CSMD2: variants seen among roughly 807,000 people sequenced by gnomAD.
CSMD2 encodes the protein CUB and Sushi multiple domains 2, also known as CUB and sushi domain-containing protein 2.
A neutral mutation model predicts 398.5 loss-of-function variants in CSMD2; 130 were observed. That is an observed-to-expected ratio of 0.33 (90% CI 0.28 to 0.38). The LOEUF is 0.38. Ranked by LOEUF, CSMD2 falls within the 10% of genes least tolerant of loss-of-function variation. The probability of loss-of-function intolerance (pLI) is 1.00; values close to 1 mark genes in which losing one functional copy is unlikely to be tolerated. For synonymous variants in CSMD2, 1,828 were observed against 1,908.5 expected (o/e 0.96, Z 1.10); for missense variants, 3,829 against 4,764.9 (o/e 0.80, Z 5.78).
chr1:33,676,600 A>G (rs1359859846), intron 25 of CSMD2, among the ~76,000 whole-genome samples: 1 of 152,204 alleles, frequency 6.6e-6, no homozygotes, highest in Non-Finnish European at 1.5e-5. Context: ...ACAGAATTGG[A>G]AAAAACTACT....
intron 36 of CSMD2, 127 bp downstream of exon 36, chr1:33,623,243 C>T: frequency 1.4e-6 from 1 of 692,562 alleles, no homozygotes; most frequent in Non-Finnish European, 2.5e-6. Flanking sequence ...CTGATGTGTC[C>T]ACTTGAAAAT....
In CSMD2 at chr1:33,568,265, G is replaced by A. The variant is rs551457288; in HGVS notation, c.8132-424C>T. Among the ~76,000 whole-genome samples, 5 of 147,886 alleles carry A rather than the reference G, an allele frequency of 3.4e-5. 1 individual carries two copies. The highest frequency in any genetic ancestry group is 1.3e-4 in the African/African-American group (5 of 39,888). ...TGCAGTGGCACGATCTTGGCTCACT[G>A]CAATGTCCACCTCCTAGGTTCAAGG... On this transcript the variant is annotated intron_variant, in intron 52 of 70. Coordinates refer to ENST00000373381, the MANE Select transcript of CSMD2 (RefSeq NM_001281956.2).
At chr1:33,663,638 G>A (rs1644216605) in intron 25 of CSMD2, among the ~76,000 whole-genome samples, 1 of 152,186 alleles carries the variant, frequency 6.6e-6, no homozygotes. Context: ...ATGTAGGCCT[G>A]GCTTAGATAA....
At position 33,537,389 on chromosome 1, in the gene CSMD2, T is replaced by C. The variant is rs201103484; in HGVS notation, c.9805+47A>G. ...ATCATCTCAGGCCCAAAAGAAGGTCTCCCGCAACCCCAGCCAAGACGCTCC... is the reference window on the plus strand; with the variant it reads ...ATCATCTCAGGCCCAAAAGAAGGTCCCCCGCAACCCCAGCCAAGACGCTCC... On this transcript the variant is annotated intron_variant, in intron 61 of 70. Transcript: ENST00000373381. The surrounding 1 kb of genome is among the most constrained non-coding windows in gnomAD (Gnocchi z 4.6). The C allele has an allele frequency of 1.7e-5, 26 of 1,561,308 alleles. No homozygotes were observed. Among genetic ancestry groups the C allele is most frequent in the Non-Finnish European group, 2.3e-5 (26 of 1,152,794 alleles).
chr1:34,121,021 C>G (rs1014163913), intron 1 of CSMD2, among the ~76,000 whole-genome samples: 1 of 152,136 alleles, frequency 6.6e-6, no homozygotes, highest in Non-Finnish European at 1.5e-5. Flanking sequence ...CTTTGAATAA[C>G]CAGACATGCA....
In CSMD2 at chr1:33,885,477, T is replaced by C. The variant is rs553219458; in HGVS notation, c.920+32617A>G. The C allele has an allele frequency of 2.8e-4, 43 of 152,266 alleles. 1 individual carries two copies. Among genetic ancestry groups the C allele is most frequent in the Admixed American group, 5.9e-4 (9 of 15,296 alleles). 9.4% of individuals were successfully genotyped at this position (152,266 alleles called of 1,614,324 possible). A position where few individuals can be genotyped will look rare whatever the true frequency, so the allele number is the denominator to read the frequency against. On this transcript the variant is annotated intron_variant, in intron 5 of 70. Coordinates refer to ENST00000373381, the MANE Select transcript of CSMD2 (RefSeq NM_001281956.2). Reference sequence around the variant, plus strand: ...AATCCGATTTAATTCAGTGCAGTTATTGAGTGCCCACCACATACCCCATAG... The same window carrying C: ...AATCCGATTTAATTCAGTGCAGTTACTGAGTGCCCACCACATACCCCATAG...
chr1:33,600,156 G>T, intron 44 of CSMD2: 1 of 715,824 alleles, frequency 1.4e-6, no homozygotes, highest in Non-Finnish European at 2.6e-6. Flanking sequence ...GAAGGGACCT[G>T]TGCAAGGTTT....
intron 3 of CSMD2, among the ~76,000 whole-genome samples, chr1:34,002,980 T>C (rs946066115): frequency 4.6e-5 from 7 of 151,714 alleles, no homozygotes; most frequent in Admixed American, 1.3e-4. Flanking sequence ...CTGCAGGGAG[T>C]GGTCAAAGTG....
At chr1:33,677,571 C>G (rs1037865783) in intron 25 of CSMD2, among the ~76,000 whole-genome samples, 1 of 152,082 alleles carries the variant, frequency 6.6e-6, no homozygotes, top group Non-Finnish European at 1.5e-5. Context: ...GGATCTAGAA[C>G]TAGAAATACC....
rs960143554 is a variant in CSMD2, at chr1:33,850,557, T to G, written c.921-3561A>C. On this transcript the variant is annotated intron_variant, in intron 5 of 70. Coordinates refer to ENST00000373381, the MANE Select transcript of CSMD2 (RefSeq NM_001281956.2). ...TGTTCCTCTTCTCCCCCCTCCTGACTTCCCCCAGGATCCTCTTTAATTTTG... is the reference window on the plus strand; with the variant it reads ...TGTTCCTCTTCTCCCCCCTCCTGACGTCCCCCAGGATCCTCTTTAATTTTG... 5.9e-5 allele frequency among the ~76,000 whole-genome samples: 9 copies of G among 152,146 alleles called. No homozygotes were observed. The East Asian group carries it at 1.7e-3, about 29-fold the overall frequency.
rs370562326 is a variant in CSMD2 at position 33,682,691 on chromosome 1, T to C, written c.4052+10239A>G. ...GCCTGTGTGAGTCGGTTTTGCCAAA[T>C]GCTTGTAGGGATTTTTTATAATTCA... is the stretch of plus-strand genomic sequence containing the variant. On this transcript the variant is annotated intron_variant, in intron 25 of 70. Coordinates refer to ENST00000373381, the MANE Select transcript of CSMD2 (RefSeq NM_001281956.2). 1.9e-3 allele frequency among the ~76,000 whole-genome samples: 296 copies of C among 152,250 alleles called. 13 individuals carry two copies. The South Asian group carries it at 0.057, about 30-fold the overall frequency.
At chr1:33,833,080 GAACTGGTACCATTCCTTCTGA>G (rs1659796711) in intron 6 of CSMD2, among the ~76,000 whole-genome samples, 1 of 140,746 alleles carries the variant, frequency 7.1e-6, no homozygotes, top group Non-Finnish European at 1.5e-5. Context: ...GTACAAGGAG[GAACTGGTACCATTCCTTCTGA>G]AACTATTCCA....
chr1:33,637,581 T>C (rs1642879849), intron 29 of CSMD2, among the ~76,000 whole-genome samples: 1 of 152,166 alleles, frequency 6.6e-6, no homozygotes, highest in Admixed American at 6.5e-5. Flanking sequence ...TGATTACCTT[T>C]CCTCCGTCCT....
intron 5 of CSMD2, among the ~76,000 whole-genome samples, chr1:33,895,462 T>A (rs1354237378): frequency 1.3e-5 from 2 of 151,898 alleles, no homozygotes; most frequent in African/African-American, 2.4e-5. Flanking sequence ...GTAGAGCGGA[T>A]GGGGATGTAT....
At chr1:33,643,299 T>C (rs1643217122) in intron 29 of CSMD2, among the ~76,000 whole-genome samples, 1 of 152,198 alleles carries the variant, frequency 6.6e-6, no homozygotes, top group Admixed American at 6.5e-5. Flanking sequence ...TCACAAATAT[T>C]CATGTTATAA....
rs1234141712 is a variant in CSMD2, at chr1:33,990,460, G to A, written c.517+42134C>T. Among the ~76,000 whole-genome samples the A allele has an allele frequency of 3.3e-5, 5 of 152,122 alleles. No homozygotes were observed. In the East Asian group the frequency reaches 9.6e-4, roughly 29 times the overall value. On this transcript the variant is annotated intron_variant, in intron 3 of 70. Transcript: ENST00000373381. Reference sequence around the variant, plus strand: ...ATTCACCCCATTTAAGGTGATGAGAGTGTTGCACGAAACACATTACTCTCC... The same window carrying A: ...ATTCACCCCATTTAAGGTGATGAGAATGTTGCACGAAACACATTACTCTCC...
chr1:34,142,221 C>T (rs1044759359), intron 1 of CSMD2, among the ~76,000 whole-genome samples: 2 of 152,086 alleles, frequency 1.3e-5, no homozygotes, highest in African/African-American at 4.8e-5. Context: ...CCTGGCGGCC[C>T]CCTCAGTCTC....
At chr1:33,789,380 A>C (rs1191435170) in intron 11 of CSMD2, among the ~76,000 whole-genome samples, 1 of 152,194 alleles carries the variant, frequency 6.6e-6, no homozygotes, top group East Asian at 1.9e-4. Flanking sequence ...CCTACCCATT[A>C]TCTCATTTAA....
chr1:33,833,853 A>C (rs533531330), intron 6 of CSMD2, among the ~76,000 whole-genome samples: 2 of 152,084 alleles, frequency 1.3e-5, no homozygotes, highest in South Asian at 4.2e-4. Flanking sequence ...TTATACACTA[A>C]TAACAGACAA....
Sources: gnomAD v4.1 joint callset for allele counts (sites outside exome capture counted in the v4.1 genomes callset) on GRCh38, gnomAD v4.1.1 for gene constraint, Gnocchi (gnomAD v3.1) non-coding constraint, MANE v1.5 for transcripts, NCBI Gene and HGNC (gene_info 2026-07-23, HGNC 2026-07-21) for gene names.